The following MYOF variants were observed in gnomAD, a reference collection of about 807,000 sequenced individuals.
MYOF encodes myoferlin.
A neutral mutation model predicts 284.2 loss-of-function variants in MYOF; 244 were observed. The ratio of observed to expected loss-of-function variants is 0.86; its 90% CI spans 0.77 to 0.95. MYOF has a LOEUF of 0.95. Ranked by LOEUF, MYOF falls within the 40% of genes least tolerant of loss-of-function variation. MYOF has a pLI of 0.00. For missense variants in MYOF, 2,496 were observed against 2,560.6 expected (o/e 0.97, Z 0.54); for synonymous variants, 904 against 919.7 (o/e 0.98, Z 0.31).
At chr10:93,389,184 A>G in intron 17 of MYOF, 30 bp from the exon 18 acceptor site, 1 of 1,604,076 alleles carries the variant, frequency 6.2e-7, no homozygotes, top group Non-Finnish European at 8.5e-7. Flanking sequence ...ATGAGGTGTT[A>G]GGCTTTTAAC....
chr10:93,464,252 T>C lies in MYOF; in HGVS notation c.89-7315A>G, dbSNP rs946584902. ...GACTAGAGATTGCAACATCAACTCT[T>C]ACATGAATTTCCAGCTTGCTGGCCC... On this transcript the variant is annotated intron_variant, in intron 1 of 53. Transcript: ENST00000359263. Among the ~76,000 whole-genome samples the C allele has an allele frequency of 2.0e-5, 3 of 152,206 alleles. No homozygotes were observed. The East Asian group carries it at 5.8e-4, about 29-fold the overall frequency.
At position 93,349,877 on chromosome 10, in the gene MYOF, C is replaced by T; in HGVS notation, c.4014G>A (p.Val1338=). Residue 1338 remains valine (V), a synonymous_variant, in exon 36 of 54, where the codon GTG becomes GTA. Transcript: ENST00000359263. ...TAAGGTTTTTGATCACCACCGATTC[C>T]ACCCTTTCTCCTCCACACTCCACAA... is the stretch of plus-strand genomic sequence containing the variant. The part of the protein sequence containing the change: ...SLVVECGGER[V]ESVVIKNLKK... The T allele has an allele frequency of 6.2e-7, 1 of 1,614,090 alleles. No individual in the cohort carries two copies. Among genetic ancestry groups the T allele is most frequent in the Non-Finnish European group, 8.5e-7 (1 of 1,180,026 alleles).
chr10:93,429,850 CTT>C (rs1388764176), intron 4 of MYOF, among the ~76,000 whole-genome samples: 2 of 151,840 alleles, frequency 1.3e-5, no homozygotes, highest in South Asian at 2.1e-4. Flanking sequence ...ACTTGCGACA[CTT>C]GAGTCATTTT....
intron 17 of MYOF, among the ~76,000 whole-genome samples, chr10:93,391,235 G>C (rs2134041786): frequency 6.6e-6 from 1 of 152,256 alleles, no homozygotes; most frequent in Middle Eastern, 3.4e-3. Context: ...TTGTTTCATT[G>C]TGCATTAACA....
intron 1 of MYOF, among the ~76,000 whole-genome samples, chr10:93,459,793 C>T (rs1289017651): frequency 6.6e-6 from 1 of 152,146 alleles, no homozygotes; most frequent in East Asian, 1.9e-4. Context: ...GGAAAGAGCT[C>T]ATTGTTCTCA....
intron 25 of MYOF, among the ~76,000 whole-genome samples, chr10:93,367,671 A>T (rs749411945): frequency 4.7e-4 from 72 of 152,182 alleles, no homozygotes; most frequent in Non-Finnish European, 9.0e-4. Context: ...CATGGACAAG[A>T]GGGTATCAGC....
In MYOF at chr10:93,347,567, A is replaced by AAATAAAAAAT; in HGVS notation, c.4249+49_4249+50insATTTTTTATT. On this transcript the variant is annotated intron_variant, in intron 37 of 53. Transcript: ENST00000359263. ...GAGCGAGACTCCGTCTCAAAAAAAAAAAAAAAAAAAAGAAAAGCCCCCAGA... is the reference window on the plus strand; with the variant it reads ...GAGCGAGACTCCGTCTCAAAAAAAAAAATAAAAAATAAAAAAAAAAAGAAAAGCCCCCAGA... 1.3e-5 allele frequency: 15 copies of AAATAAAAAAT among 1,186,088 alleles called. No individual in the cohort carries two copies. The South Asian group carries it at 2.1e-4, about 17-fold the overall frequency. The allele number at this position is 1,186,088 out of a possible 1,614,324, so 73.5% of individuals were successfully genotyped here.
chr10:93,472,136 C>T (rs2057161703), intron 1 of MYOF, among the ~76,000 whole-genome samples: 1 of 152,166 alleles, frequency 6.6e-6, no homozygotes, highest in African/African-American at 2.4e-5. Flanking sequence ...AGGACGAGGC[C>T]TGCACTGCAG....
At chr10:93,338,553 C>T (rs540317867) in intron 39 of MYOF, 16 of 454,766 alleles carry the variant, frequency 3.5e-5, no homozygotes, top group African/African-American at 3.2e-4. Context: ...AAAAGTTGTT[C>T]TGGAAATCAT....
chr10:93,477,510 A>C (rs1462402882), intron 1 of MYOF, among the ~76,000 whole-genome samples: 1 of 150,532 alleles, frequency 6.6e-6, no homozygotes. Flanking sequence ...AAAAAAGAAA[A>C]ACACACACAA....
chr10:93,400,255 T>C (rs1847208318), intron 12 of MYOF, among the ~76,000 whole-genome samples: 1 of 152,002 alleles, frequency 6.6e-6, no homozygotes, highest in Non-Finnish European at 1.5e-5. Flanking sequence ...AATCTATAGT[T>C]AAGCTAAAAA....
chr10:93,416,471 C>T (rs1005815205), intron 5 of MYOF, among the ~76,000 whole-genome samples: 7 of 151,846 alleles, frequency 4.6e-5, no homozygotes, highest in Admixed American at 2.0e-4. Flanking sequence ...TGCAGTGAGC[C>T]GAGATCGCGC....
chr10:93,453,935 C>T (rs1257125143), intron 2 of MYOF, among the ~76,000 whole-genome samples: 2 of 152,122 alleles, frequency 1.3e-5, no homozygotes, highest in Admixed American at 1.3e-4. Flanking sequence ...GTAATCCCAG[C>T]ACTTTGGGAG....
Position 93,374,775 on chromosome 10 carries a change from C to T in MYOF, c.2289G>A (p.Gln763=). 2 of 1,613,714 alleles carry T rather than the reference C, an allele frequency of 1.2e-6. No individual in the cohort carries two copies. Among genetic ancestry groups the T allele is most frequent in the Non-Finnish European group, 1.7e-6 (2 of 1,179,876 alleles). ...EIEDWLDKLM[Q]LTEEPQNSMP... is the part of the protein sequence containing the mutation. ...TTAAAAGTCCTACCTCTTCAGTCAG[C>T]TGCATTAATTTATCAAGCCAGTCCT... Residue 763 remains glutamine, a synonymous_variant, in exon 23 of 54, where the codon CAG becomes CAA. Transcript: ENST00000359263.
chr10:93,458,195 T>A (rs72819046), intron 1 of MYOF, among the ~76,000 whole-genome samples: 28,086 of 151,558 alleles, frequency 0.19, 3,060 homozygotes, highest in Middle Eastern at 0.27. Context: ...TCTACAAAAA[T>A]ACAACAATTA....
Position 93,426,083 on chromosome 10 carries a change from G to T in MYOF, c.421C>A (p.Pro141Thr). The T allele has an allele frequency of 6.4e-7, 1 of 1,556,030 alleles. No individual in the cohort carries two copies. Among genetic ancestry groups the T allele is most frequent in the Non-Finnish European group, 8.7e-7 (1 of 1,149,376 alleles). Residue 141 changes from proline to threonine, a missense_variant, in exon 5 of 54, where the codon CCA (proline) becomes ACA (threonine). Coordinates refer to ENST00000359263, the MANE Select transcript of MYOF (RefSeq NM_013451.4). The part of the protein sequence containing the change: ...HPNDLSGPSV[P>T]GMGGDGEEDE... ...AGGGTCAGCTTACCTCCCATGCCTG[G>T]CACGCTGGGCCCGCTCAGGTCATTT...
In MYOF at chr10:93,378,713, A is replaced by ATATATATATATATATATATATG. The variant is rs1338159505; in HGVS notation, c.2001+1149_2001+1150insCATATATATATATATATATATA. Among the ~76,000 whole-genome samples, 39 of 124,848 alleles carry ATATATATATATATATATATATG rather than the reference A, an allele frequency of 3.1e-4. 2 individuals are homozygous for ATATATATATATATATATATATG. The highest frequency in any genetic ancestry group is 2.0e-3 in the East Asian group (7 of 3,480). 81.9% of individuals were successfully genotyped at this position (124,848 alleles called of 152,430 possible). A position where few individuals can be genotyped will look rare whatever the true frequency, so the allele number is the denominator to read the frequency against. On this transcript the variant is annotated intron_variant, in intron 21 of 53. Coordinates refer to ENST00000359263, the MANE Select transcript of MYOF (RefSeq NM_013451.4). ...TGTGTGTATATATATATATATATATATATGTATATATTTATCTTTTTAGAC... is the reference window on the plus strand; with the variant it reads ...TGTGTGTATATATATATATATATATATATATATATATATATATATATGTATGTATATATTTATCTTTTTAGAC...
chr10:93,405,923 G>A (rs914208084), intron 7 of MYOF, among the ~76,000 whole-genome samples: 12 of 149,066 alleles, frequency 8.1e-5, no homozygotes, highest in Non-Finnish European at 1.6e-4. Context: ...TCAACCTCCC[G>A]AGTAGCTGGG....
Position 93,370,314 on chromosome 10 carries a change from ATT to A in MYOF, c.2458-540_2458-539del, listed in dbSNP as rs916555324. On this transcript the variant is annotated intron_variant, in intron 24 of 53. Transcript: ENST00000359263. ...GTTGATCAAGCAGTAATGATTACTA[ATT>A]TTTTTTTTTTTTTTTTTTTGAGACA... Among the ~76,000 whole-genome samples, 94 of 122,400 alleles carry A rather than the reference ATT, an allele frequency of 7.7e-4. 1 individual carries two copies. The highest frequency in any genetic ancestry group is 1.4e-3 in the African/African-American group (39 of 28,278). 80.3% of individuals were successfully genotyped at this position (122,400 alleles called of 152,430 possible). A position where few individuals can be genotyped will look rare whatever the true frequency, so the allele number is the denominator to read the frequency against.
Sources: allele counts gnomAD v4.1 joint callset (sites outside exome capture counted in the v4.1 genomes callset), GRCh38; gene constraint gnomAD v4.1.1; transcripts MANE v1.5; gene names NCBI Gene and HGNC (gene_info 2026-07-23, HGNC 2026-07-21).